Variants in FGD4 observed in about 807,000 individuals in gnomAD.
FGD4 encodes FYVE, RhoGEF and PH domain-containing protein 4.
A neutral mutation model predicts 102.0 loss-of-function variants in FGD4; 42 were observed. The ratio of observed to expected loss-of-function variants is 0.41; its 90% CI spans 0.32 to 0.53. The LOEUF is 0.53. FGD4 is among the 20% of genes least tolerant of loss of function. The probability of loss-of-function intolerance (pLI) is 0.21; values close to 1 mark genes in which losing one functional copy is unlikely to be tolerated. For synonymous variants in FGD4, 380 were observed against 375.7 expected (o/e 1.01, Z -0.13); for missense variants, 902 against 1,078.2 (o/e 0.84, Z 2.29).
chr12:32,415,579 C>T lies in FGD4; in HGVS notation c.166+15620C>T, dbSNP rs149079700. Among the ~76,000 whole-genome samples the T allele has an allele frequency of 7.2e-3, 1,099 of 152,102 alleles. 8 individuals are homozygous for T. The highest frequency in any genetic ancestry group is 0.025 in the African/African-American group (1,046 of 41,510). On this transcript the variant is annotated intron_variant, in intron 1 of 16. Coordinates refer to ENST00000534526, the MANE Select transcript of FGD4 (RefSeq NM_001370298.3). Reference sequence around the variant, plus strand: ...CTGGGACTACAGGCACCTGCCACCACGCCTGGCTAATTTATTGTATTTTTA... The same window carrying T: ...CTGGGACTACAGGCACCTGCCACCATGCCTGGCTAATTTATTGTATTTTTA...
chr12:32,570,219 C>T (rs561270696), intron 2 of FGD4, among the ~76,000 whole-genome samples: 29 of 117,578 alleles, frequency 2.5e-4, no homozygotes, highest in Admixed American at 2.2e-3. Flanking sequence ...CCAGCCTGGG[C>T]GATGGGGCAA....
chr12:32,437,920 T>A (rs11052002), intron 1 of FGD4, among the ~76,000 whole-genome samples: 26,985 of 152,092 alleles, frequency 0.18, 2,997 homozygotes, highest in East Asian at 0.27. Context: ...TGAGACAGAG[T>A]CTTGCTCTGT....
chr12:32,421,093 G>C (rs1286216136), intron 1 of FGD4, among the ~76,000 whole-genome samples: 1 of 152,104 alleles, frequency 6.6e-6, no homozygotes, highest in Non-Finnish European at 1.5e-5. Context: ...CTGTCAGAAA[G>C]TGGAATTAGG....
intron 1 of FGD4, among the ~76,000 whole-genome samples, chr12:32,407,570 C>A (rs1053182994): frequency 6.6e-6 from 1 of 152,174 alleles, no homozygotes; most frequent in Non-Finnish European, 1.5e-5. Context: ...ACAAGGAATG[C>A]TATAGATTGT....
chr12:32,528,229 A>G (rs1270194749), intron 1 of FGD4, among the ~76,000 whole-genome samples: 1 of 152,132 alleles, frequency 6.6e-6, no homozygotes, highest in Non-Finnish European at 1.5e-5. Context: ...GAGCCACCGC[A>G]CTGGGCTAGT....
intron 1 of FGD4, among the ~76,000 whole-genome samples, chr12:32,535,857 T>C (rs755815156): frequency 1.2e-4 from 19 of 152,190 alleles, no homozygotes; most frequent in Non-Finnish European, 2.1e-4. Flanking sequence ...GAGGTGAATG[T>C]TGATAAACAT....
At chr12:32,470,463 C>CTTTTTTTTTTTTTT (rs551854980) in intron 1 of FGD4, among the ~76,000 whole-genome samples, 13 of 130,828 alleles carry the variant, frequency 9.9e-5, no homozygotes, top group African/African-American at 2.2e-4. Context: ...TTTTCTTTTT[C>CTTTTTTTTTTTTTT]TTTTTTTTTT....
At chr12:32,623,529 T>A (rs1212905198) in intron 11 of FGD4, among the ~76,000 whole-genome samples, 2 of 152,074 alleles carry the variant, frequency 1.3e-5, no homozygotes, top group East Asian at 1.9e-4. Context: ...TCAGCCAGTC[T>A]CATGCATGTT....
intron 4 of FGD4, among the ~76,000 whole-genome samples, chr12:32,589,295 C>CA (rs1323057037): frequency 6.6e-6 from 1 of 152,212 alleles, no homozygotes; most frequent in African/African-American, 2.4e-5. Context: ...TTAATACCAG[C>CA]ACCTCTCTTT....
chr12:32,611,047 T>C, intron 9 of FGD4, 90 bp from the exon 10 acceptor site: 1 of 1,511,248 alleles, frequency 6.6e-7, no homozygotes, highest in Non-Finnish European at 9.2e-7. Context: ...TAATCCCTTC[T>C]AAATTTAGAT....
chr12:32,523,840 TTGTGGCAGGCACC>T (rs1437650027), intron 1 of FGD4, among the ~76,000 whole-genome samples: 1 of 151,438 alleles, frequency 6.6e-6, no homozygotes, highest in Non-Finnish European at 1.5e-5. Context: ...TAGCCGGGCG[TTGTGGCAGGCACC>T]TGTAGTCCCA....
chr12:32,539,128 T>C lies in FGD4; in HGVS notation c.167-25009T>C, dbSNP rs958248356. ...TATATTAATGATATACTTGCCCCAC[T>C]TTTTGTTTTTTCTCTTCCTACATTT... On this transcript the variant is annotated intron_variant, in intron 1 of 16. Coordinates refer to ENST00000534526, the MANE Select transcript of FGD4 (RefSeq NM_001370298.3). 1.3e-4 allele frequency among the ~76,000 whole-genome samples: 20 copies of C among 152,236 alleles called. 1 individual carries two copies. The highest frequency in any genetic ancestry group is 4.8e-4 in the African/African-American group (20 of 41,466).
chr12:32,402,974 C>T (rs553001558), intron 1 of FGD4, among the ~76,000 whole-genome samples: 1 of 152,196 alleles, frequency 6.6e-6, no homozygotes, highest in South Asian at 2.1e-4. Context: ...TGTTCTTCCC[C>T]CTCATCAAAA....
intron 12 of FGD4, 162 bp downstream of exon 12, chr12:32,624,614 G>A: frequency 1.4e-6 from 1 of 705,244 alleles, no homozygotes; most frequent in African/African-American, 1.8e-5. Flanking sequence ...GGGACTATAG[G>A]CGTGCACCAC....
At chr12:32,466,296 A>G (rs528199859) in intron 1 of FGD4, among the ~76,000 whole-genome samples, 1 of 152,270 alleles carries the variant, frequency 6.6e-6, no homozygotes, top group Admixed American at 6.5e-5. Flanking sequence ...CATATAAAAA[A>G]TTGTATCATA....
At chr12:32,611,908 G>T (rs1949162906) in intron 10 of FGD4, among the ~76,000 whole-genome samples, 1 of 152,206 alleles carries the variant, frequency 6.6e-6, no homozygotes. Context: ...GGCCCGGGAA[G>T]CCCCCTGTAC....
chr12:32,442,038 GT>G (rs1447233223), intron 1 of FGD4, among the ~76,000 whole-genome samples: 20 of 139,336 alleles, frequency 1.4e-4, no homozygotes, highest in African/African-American at 4.9e-4. Flanking sequence ...CAGGAGTGTT[GT>G]TGTGTTTTTT....
intron 14 of FGD4, 72 bp from the exon 15 acceptor site, chr12:32,633,477 A>G: frequency 1.4e-6 from 2 of 1,472,668 alleles, no homozygotes; most frequent in Admixed American, 1.9e-5. Flanking sequence ...ATTTATTATT[A>G]CCTATAACTG....
chr12:32,548,836 A>G (rs1222256285), intron 1 of FGD4, among the ~76,000 whole-genome samples: 1 of 152,212 alleles, frequency 6.6e-6, no homozygotes, highest in Non-Finnish European at 1.5e-5. Flanking sequence ...AACATACGGG[A>G]TCAGGTCCAA....
Sources: allele counts gnomAD v4.1 joint callset (sites outside exome capture counted in the v4.1 genomes callset), GRCh38; gene constraint gnomAD v4.1.1; transcripts MANE v1.5; gene names NCBI Gene and HGNC (gene_info 2026-07-23, HGNC 2026-07-21).